TSPAN18: variants seen among roughly 807,000 people sequenced by gnomAD.
TSPAN18 encodes the protein tetraspanin-18.
TSPAN18 carries 14 observed loss-of-function variants against 27.3 expected under a neutral mutation model. The ratio of observed to expected loss-of-function variants is 0.51; its 90% CI spans 0.34 to 0.80. The LOEUF (loss-of-function observed/expected upper bound fraction) is 0.80. Ranked by LOEUF, TSPAN18 falls within the 30% of genes least tolerant of loss-of-function variation. The pLI is 0.01. For missense variants in TSPAN18, 268 were observed against 323.9 expected (o/e 0.83, Z 1.32); for synonymous variants, 143 against 136.5 (o/e 1.05, Z -0.33).
chr11:44,871,473 C>T (rs835760), intron 3 of TSPAN18, among the ~76,000 whole-genome samples: 27,684 of 152,134 alleles, frequency 0.18, 2,884 homozygotes, highest in South Asian at 0.25. Context: ...CACAAACATT[C>T]AGTCCACAGT....
intron 2 of TSPAN18, among the ~76,000 whole-genome samples, chr11:44,792,433 G>C (rs564904814): frequency 6.6e-6 from 1 of 152,256 alleles, no homozygotes; most frequent in East Asian, 1.9e-4. Context: ...GAGCGGGGGT[G>C]GCCAGGGAAG....
At chr11:44,882,277 G>A (rs974771261) in intron 3 of TSPAN18, among the ~76,000 whole-genome samples, 1 of 152,096 alleles carries the variant, frequency 6.6e-6, no homozygotes, top group Non-Finnish European at 1.5e-5. Flanking sequence ...CTTAATTAAG[G>A]GGCAGCTGGG....
chr11:44,870,963 G>A (rs1554995229), intron 3 of TSPAN18, among the ~76,000 whole-genome samples: 2 of 152,206 alleles, frequency 1.3e-5, no homozygotes, highest in Non-Finnish European at 2.9e-5. Flanking sequence ...AGAGACTGGA[G>A]AGGAGGAAGG....
At chr11:44,863,608 C>T (rs578007626) in intron 3 of TSPAN18, among the ~76,000 whole-genome samples, 1 of 152,308 alleles carries the variant, frequency 6.6e-6, no homozygotes, top group Admixed American at 6.5e-5. Context: ...TAGTGGCATA[C>T]CCTGGGCTGG....
intron 7 of TSPAN18, 73 bp from the exon 8 acceptor site, chr11:44,919,744 G>A: frequency 1.4e-6 from 2 of 1,460,074 alleles, no homozygotes; most frequent in Non-Finnish European, 1.9e-6. Context: ...TGCAGAGGCT[G>A]TATGTCCTTC....
At chr11:44,863,712 C>T (rs76415879) in intron 3 of TSPAN18, among the ~76,000 whole-genome samples, 3,862 of 152,240 alleles carry the variant, frequency 0.025, 165 homozygotes, top group African/African-American at 0.087. Flanking sequence ...ACATTGTATT[C>T]CATGTCAGAC....
intron 2 of TSPAN18, among the ~76,000 whole-genome samples, chr11:44,854,437 G>A (rs754728092): frequency 7.9e-5 from 12 of 152,146 alleles, no homozygotes; most frequent in African/African-American, 1.9e-4. Flanking sequence ...AGGTTGGCAC[G>A]GGGCTCAAGT....
At chr11:44,870,045 A>G (rs551697213) in intron 3 of TSPAN18, among the ~76,000 whole-genome samples, 1 of 152,312 alleles carries the variant, frequency 6.6e-6, no homozygotes, top group South Asian at 2.1e-4. Flanking sequence ...CCTTTCTGCA[A>G]TCCTGTTTTG....
intron 1 of TSPAN18, among the ~76,000 whole-genome samples, chr11:44,727,574 G>A (rs1228329036): frequency 1.3e-5 from 2 of 152,030 alleles, no homozygotes; most frequent in Non-Finnish European, 2.9e-5. Context: ...TGCTCCGGGT[G>A]GAGGAGTGGG....
At chr11:44,870,503 G>A (rs148311231) in intron 3 of TSPAN18, among the ~76,000 whole-genome samples, 73 of 152,150 alleles carry the variant, frequency 4.8e-4, no homozygotes, top group East Asian at 1.5e-3. Flanking sequence ...AGAAATCCTC[G>A]GTACCAATCT....
intron 1 of TSPAN18, among the ~76,000 whole-genome samples, chr11:44,747,589 T>C (rs1335959808): frequency 1.3e-5 from 2 of 152,154 alleles, no homozygotes; most frequent in South Asian, 2.1e-4. Flanking sequence ...GGGTCGACTT[T>C]GGTATAAAGG....
Position 44,745,951 on chromosome 11 carries a change from C to T in TSPAN18, c.-239-18475C>T, listed in dbSNP as rs368480888. On this transcript the variant is annotated intron_variant, in intron 1 of 9. Transcript: ENST00000520358. ...CTGAGGCAGGAGAATGGCCTGAACC[C>T]GGGAGGCAGAGCTTGCAGTGAGCCC... 2.0e-4 allele frequency among the ~76,000 whole-genome samples: 30 copies of T among 152,222 alleles called. No homozygotes were observed. The East Asian group carries it at 2.7e-3, about 14-fold the overall frequency.
intron 2 of TSPAN18, among the ~76,000 whole-genome samples, chr11:44,832,414 T>C (rs1857173473): frequency 7.1e-6 from 1 of 140,478 alleles, no homozygotes; most frequent in Non-Finnish European, 1.5e-5. Flanking sequence ...CCCCCTCTTT[T>C]TCCTTCATTC....
intron 2 of TSPAN18, among the ~76,000 whole-genome samples, chr11:44,858,008 A>G (rs1270638580): frequency 1.3e-5 from 2 of 152,226 alleles, no homozygotes; most frequent in Non-Finnish European, 2.9e-5. Flanking sequence ...CATAAAGCAA[A>G]TAGGGGTTCA....
At chr11:44,890,369 G>T (rs372328930) in intron 3 of TSPAN18, among the ~76,000 whole-genome samples, 2 of 152,218 alleles carry the variant, frequency 1.3e-5, no homozygotes, top group East Asian at 3.8e-4. Flanking sequence ...ACTGTTAGCA[G>T]TACTTGTGAC....
At chr11:44,761,519 G>A (rs893573401) in intron 1 of TSPAN18, among the ~76,000 whole-genome samples, 1 of 152,194 alleles carries the variant, frequency 6.6e-6, no homozygotes, top group Admixed American at 6.5e-5. Flanking sequence ...TGCCTCTTCT[G>A]GCAGGCTGGT....
chr11:44,797,693 G>A (rs890314116), intron 2 of TSPAN18, among the ~76,000 whole-genome samples: 38 of 152,158 alleles, frequency 2.5e-4, no homozygotes, highest in Admixed American at 2.2e-3. Flanking sequence ...AGGCACTGAC[G>A]GGATGAGATT....
At chr11:44,873,272 T>G (rs1565186300) in intron 3 of TSPAN18, among the ~76,000 whole-genome samples, 1 of 152,212 alleles carries the variant, frequency 6.6e-6, no homozygotes, top group African/African-American at 2.4e-5. Flanking sequence ...GGGAATTTCA[T>G]GGTGGCCCAG....
intron 3 of TSPAN18, among the ~76,000 whole-genome samples, chr11:44,861,884 A>G (rs1857899801): frequency 6.6e-6 from 1 of 151,758 alleles, no homozygotes; most frequent in Non-Finnish European, 1.5e-5. Flanking sequence ...CGTTCCAAAA[A>G]GATTGTTCCA....
Sources: gnomAD v4.1 joint callset for allele counts (sites outside exome capture counted in the v4.1 genomes callset) on GRCh38, gnomAD v4.1.1 for gene constraint, MANE v1.5 for transcripts, NCBI Gene and HGNC (gene_info 2026-07-23, HGNC 2026-07-21) for gene names.